FOXP1: variants seen among roughly 807,000 people sequenced by gnomAD.
FOXP1 encodes forkhead box protein P1.
Under a neutral mutation model 98.2 loss-of-function variants are expected in FOXP1, and 15 were observed. The observed-to-expected ratio is 0.15, with a 90% confidence interval of 0.10 to 0.24. The LOEUF (loss-of-function observed/expected upper bound fraction) is 0.24. Ranked by LOEUF, FOXP1 falls within the 10% of genes least tolerant of loss-of-function variation. FOXP1 has a pLI of 1.00. For synonymous variants in FOXP1, 371 were observed against 314.5 expected (o/e 1.18, Z -1.90); for missense variants, 633 against 848.5 (o/e 0.75, Z 3.15).
chr3:71,534,025 G>A (rs1375643089), intron 2 of FOXP1, among the ~76,000 whole-genome samples: 1 of 152,160 alleles, frequency 6.6e-6, no homozygotes, highest in Non-Finnish European at 1.5e-5. Context: ...CCCGTAAGTA[G>A]ACCAAAATCC....
At position 71,561,325 on chromosome 3, in the gene FOXP1, C is replaced by T. The variant is rs370676461; in HGVS notation, c.-298+20224G>A. On this transcript the variant is annotated intron_variant, in intron 2 of 20. Coordinates refer to ENST00000649528, the MANE Select transcript of FOXP1 (RefSeq NM_001349338.3). The stretch of plus-strand genomic sequence containing the variant: ...CCCACCAAAGTGCTAGGATTATAGG[C>T]GTGAACTACCACACCCAGCCTGAAC... 3.4e-3 allele frequency among the ~76,000 whole-genome samples: 506 copies of T among 147,302 alleles called. 6 individuals are homozygous for T. The highest frequency in any genetic ancestry group is 0.012 in the African/African-American group (480 of 39,598).
chr3:71,308,075 T>C (rs1174157146), intron 4 of FOXP1, among the ~76,000 whole-genome samples: 1 of 150,718 alleles, frequency 6.6e-6, no homozygotes, highest in Non-Finnish European at 1.5e-5. Context: ...GAGTGACACA[T>C]ACTGATGCAC....
At chr3:71,253,655 G>T (rs1576606958) in intron 5 of FOXP1, among the ~76,000 whole-genome samples, 1 of 152,150 alleles carries the variant, frequency 6.6e-6, no homozygotes, top group South Asian at 2.1e-4. Flanking sequence ...ACTCTGATAA[G>T]ATGTACCTAT....
intron 6 of FOXP1, among the ~76,000 whole-genome samples, chr3:71,191,722 T>C (rs1187029235): frequency 6.6e-6 from 1 of 152,232 alleles, no homozygotes; most frequent in African/African-American, 2.4e-5. Flanking sequence ...ATGCCTTTTC[T>C]AGAAACAGCC....
At chr3:71,244,287 G>C (rs146137939) in intron 5 of FOXP1, among the ~76,000 whole-genome samples, 10 of 152,258 alleles carry the variant, frequency 6.6e-5, no homozygotes, top group African/African-American at 2.2e-4. Context: ...AGCTGCCACA[G>C]TGCGTGCGCT....
Position 71,199,754 on chromosome 3 carries a change from A to G in FOXP1, c.-11-1362T>C, listed in dbSNP as rs554006232. Reference sequence around the variant, plus strand: ...GACTCCGTCTCAAAACAAAAGAAAAAAAAATAGGGTGCAAAATGAGTAGCT... The same window carrying G: ...GACTCCGTCTCAAAACAAAAGAAAAGAAAATAGGGTGCAAAATGAGTAGCT... On this transcript the variant is annotated intron_variant, in intron 5 of 20. Transcript: ENST00000649528. Among the ~76,000 whole-genome samples the G allele has an allele frequency of 4.1e-3, 619 of 151,056 alleles. 2 individuals carry two copies. The highest frequency in any genetic ancestry group is 5.3e-3 in the Non-Finnish European group (358 of 67,668).
chr3:71,500,607 A>G (rs2041264924), intron 2 of FOXP1, among the ~76,000 whole-genome samples: 2 of 152,192 alleles, frequency 1.3e-5, no homozygotes, highest in Admixed American at 1.3e-4. Context: ...GGATGAATGG[A>G]GAGACTTGCC....
At chr3:71,566,740 T>G (rs998757146) in intron 2 of FOXP1, among the ~76,000 whole-genome samples, 1 of 152,100 alleles carries the variant, frequency 6.6e-6, no homozygotes, top group African/African-American at 2.4e-5. Context: ...CACTGTGCCC[T>G]CCATTGATTT....
chr3:71,482,949 C>T (rs2090391644), intron 3 of FOXP1, among the ~76,000 whole-genome samples: 1 of 152,072 alleles, frequency 6.6e-6, no homozygotes, highest in East Asian at 1.9e-4. Flanking sequence ...ATCCCCCCCA[C>T]CTCAGCCTCC....
intron 5 of FOXP1, among the ~76,000 whole-genome samples, chr3:71,254,464 C>T (rs1476190940): frequency 6.6e-6 from 1 of 152,090 alleles, no homozygotes; most frequent in African/African-American, 2.4e-5. Context: ...AAGAGCTCTG[C>T]GAATGCCAGG....
intron 3 of FOXP1, among the ~76,000 whole-genome samples, chr3:71,393,481 C>T (rs902681702): frequency 3.9e-5 from 6 of 151,956 alleles, no homozygotes; most frequent in Admixed American, 6.6e-5. Context: ...TGTACATTTA[C>T]GCAGTGGATG....
At chr3:71,550,512 T>C (rs2045695205) in intron 2 of FOXP1, among the ~76,000 whole-genome samples, 1 of 152,210 alleles carries the variant, frequency 6.6e-6, no homozygotes, top group Non-Finnish European at 1.5e-5. Flanking sequence ...TAGTTATCTA[T>C]TGAATATATT....
intron 7 of FOXP1, among the ~76,000 whole-genome samples, chr3:71,076,449 G>C (rs1003843147): frequency 4.6e-5 from 7 of 152,208 alleles, no homozygotes; most frequent in Admixed American, 2.6e-4. Flanking sequence ...TAAGACAAGA[G>C]TTATGCTGAA....
intron 4 of FOXP1, among the ~76,000 whole-genome samples, chr3:71,326,344 C>T (rs1560309785): frequency 6.6e-6 from 1 of 152,068 alleles, no homozygotes; most frequent in Non-Finnish European, 1.5e-5. Flanking sequence ...GCAAGAAATC[C>T]CAAAGAAAAT....
Position 71,540,787 on chromosome 3 carries a change from C to T in FOXP1, c.-298+40762G>A, listed in dbSNP as rs114079225. On this transcript the variant is annotated intron_variant, in intron 2 of 20. Transcript: ENST00000649528. ...CTGAATATGTATGAATACAGACATA[C>T]ACGCATATTGTGTACACTTACAAGT... 9.4e-3 allele frequency among the ~76,000 whole-genome samples: 1,434 copies of T among 152,328 alleles called. 32 individuals carry two copies. The highest frequency in any genetic ancestry group is 0.033 in the African/African-American group (1,371 of 41,566).
Position 71,200,104 on chromosome 3 carries a change from A to G in FOXP1, c.-11-1712T>C, listed in dbSNP as rs867660414. Among the ~76,000 whole-genome samples, 25 of 151,380 alleles carry G rather than the reference A, an allele frequency of 1.7e-4. No individual in the cohort carries two copies. The East Asian group carries it at 3.3e-3, about 20-fold the overall frequency. The stretch of plus-strand genomic sequence containing the variant: ...CTCACAAAAAAAAAAAAAAAAAAAA[A>G]AGAGAGAAAATATCACTTAGGTGTA... On this transcript the variant is annotated intron_variant, in intron 5 of 20. Coordinates refer to ENST00000649528, the MANE Select transcript of FOXP1 (RefSeq NM_001349338.3).
Position 71,455,282 on chromosome 3 carries a change from G to A in FOXP1, c.-168+38144C>T, listed in dbSNP as rs559186686. On this transcript the variant is annotated intron_variant, in intron 3 of 20. Coordinates refer to ENST00000649528, the MANE Select transcript of FOXP1 (RefSeq NM_001349338.3). ...CATACATCTGAGAGTACATCCCTAC[G>A]TATAGACAACTTCAAACAAAAACAG... is the stretch of plus-strand genomic sequence containing the variant. Among the ~76,000 whole-genome samples, 8 of 152,056 alleles carry A rather than the reference G, an allele frequency of 5.3e-5. No homozygotes were observed. In the South Asian group the frequency reaches 6.3e-4, roughly 12 times the overall value.
rs958455446 is a variant in FOXP1, at chr3:71,418,120, T to G, written c.-167-58876A>C. On this transcript the variant is annotated intron_variant, in intron 3 of 20. Transcript: ENST00000649528. ...GTGAAATTCTGTGTGCTTGTGGGTG[T>G]GTGTGTGTGTGTGTGTGTGTGTGTG... Among the ~76,000 whole-genome samples the G allele has an allele frequency of 1.7e-4, 22 of 132,868 alleles. 1 individual carries two copies. Among genetic ancestry groups the G allele is most frequent in the South Asian group, 6.5e-4 (3 of 4,602 alleles). The allele number at this position is 132,868 out of a possible 152,430, so 87.2% of individuals were successfully genotyped here.
chr3:71,366,376 T>C (rs929999196), intron 3 of FOXP1, among the ~76,000 whole-genome samples: 2 of 152,320 alleles, frequency 1.3e-5, no homozygotes, highest in Non-Finnish European at 2.9e-5. Context: ...GTTGTAGTCA[T>C]TAAAAATGGG....
Sources: allele counts gnomAD v4.1 joint callset (sites outside exome capture counted in the v4.1 genomes callset), GRCh38; gene constraint gnomAD v4.1.1; transcripts MANE v1.5; gene names NCBI Gene and HGNC (gene_info 2026-07-23, HGNC 2026-07-21).